Variants in C2CD3 observed in about 807,000 individuals in gnomAD.
The protein encoded by C2CD3 is C2 domain-containing protein 3.
C2CD3 carries 148 observed loss-of-function variants against 234.0 expected under a neutral mutation model. The ratio of observed to expected loss-of-function variants is 0.63; its 90% confidence interval spans 0.55 to 0.72. The LOEUF is 0.72. Ranked by LOEUF, C2CD3 falls within the 30% of genes least tolerant of loss-of-function variation. C2CD3 has a pLI of 0.00. For missense variants in C2CD3, 2,577 were observed against 2,811.5 expected (o/e 0.92, Z 1.89); for synonymous variants, 1,000 against 1,035.4 (o/e 0.97, Z 0.66).
Position 74,093,998 on chromosome 11 carries a change from T to C in C2CD3, c.3162A>G (p.Gly1054=). The part of the protein sequence containing the change: ...VLKGPEFLEN[G]ITLKPFRTAT... ...CAGTTCTGAAGGGCTTCAGAGTAAT[T>C]CCTTTGGAAAAGAAAAGCATTTCAG... The change falls in exon 18 of 33, where the codon GGA becomes GGG. Residue 1054 remains glycine (G), a splice_region_variant and synonymous_variant. Transcript: ENST00000334126. 6.2e-7 allele frequency: 1 copy of C among 1,609,726 alleles called. No individual in the cohort carries two copies. The highest frequency in any genetic ancestry group is 8.5e-7 in the Non-Finnish European group (1 of 1,176,896).
chr11:74,120,388 T>C (rs984962131), intron 8 of C2CD3, among the ~76,000 whole-genome samples: 2 of 152,212 alleles, frequency 1.3e-5, no homozygotes, highest in Non-Finnish European at 2.9e-5. Context: ...TTTGGTTTTC[T>C]GTCCTTGTGA....
chr11:74,164,291 C>G, intron 2 of C2CD3: 2 of 948,542 alleles, frequency 2.1e-6, no homozygotes, highest in African/African-American at 1.8e-5. Flanking sequence ...CCATAATTTT[C>G]TCAGTTTCTA....
Position 74,084,983 on chromosome 11 carries a change from G to A in C2CD3, c.3911-13C>T. 1 of 1,517,552 alleles carries A rather than the reference G, an allele frequency of 6.6e-7. No homozygotes were observed. The highest frequency in any genetic ancestry group is 9.1e-7 in the Non-Finnish European group (1 of 1,094,496). The allele number at this position is 1,517,552 out of a possible 1,614,324, so 94.0% of individuals were successfully genotyped here. ...ATTATATCACTTGCTGTTAAATCAAGCAAAAAAGAAAAATTATTTGATGGT... is the reference window on the plus strand; with the variant it reads ...ATTATATCACTTGCTGTTAAATCAAACAAAAAAGAAAAATTATTTGATGGT... On this transcript the variant is annotated splice_polypyrimidine_tract_variant and intron_variant, in intron 21 of 32. Coordinates refer to ENST00000334126, the MANE Select transcript of C2CD3 (RefSeq NM_001286577.2).
chr11:74,117,056 A>ACGTGTG (rs1565313216), intron 9 of C2CD3, among the ~76,000 whole-genome samples: 3 of 71,108 alleles, frequency 4.2e-5, no homozygotes, highest in African/African-American at 6.9e-5. Flanking sequence ...GTGTATATAT[A>ACGTGTG]TATGAATATA....
intron 2 of C2CD3, chr11:74,164,325 C>T (rs1436698115): frequency 2.7e-6 from 2 of 754,234 alleles, no homozygotes; most frequent in African/African-American, 3.9e-5. Context: ...ATGCTCCAAA[C>T]ATTTTCATGG....
chr11:74,142,645 G>A (rs1182837014), intron 3 of C2CD3, among the ~76,000 whole-genome samples: 2 of 151,790 alleles, frequency 1.3e-5, no homozygotes, highest in Non-Finnish European at 2.9e-5. Flanking sequence ...TTTGAGCTTA[G>A]AATCTTAAAT....
At chr11:74,048,128 A>C in intron 28 of C2CD3, 77 bp downstream of exon 28, 2 of 1,461,922 alleles carry the variant, frequency 1.4e-6, no homozygotes, top group Non-Finnish European at 1.9e-6. Flanking sequence ...TAATAAAGGA[A>C]AGAGAGAAAT....
In C2CD3 at chr11:74,057,421, A is replaced by G; in HGVS notation, c.5075T>C (p.Phe1692Ser). The G allele has an allele frequency of 9.3e-6, 15 of 1,614,162 alleles. No individual in the cohort carries two copies. Among genetic ancestry groups the G allele is most frequent in the Non-Finnish European group, 1.3e-5 (15 of 1,180,000 alleles). The change falls in exon 25 of 33, where the codon TTT becomes TCT. Residue 1692 changes from phenylalanine to serine, a missense_variant. Coordinates refer to ENST00000334126, the MANE Select transcript of C2CD3 (RefSeq NM_001286577.2). ...VENTDSPIWN[F>S]QQQSRLSKEL... ...TAACACAAACCTTGACTGCTGTTGA[A>G]AATTCCAGATGGGGGAATCTGTGTT...
intron 32 of C2CD3, among the ~76,000 whole-genome samples, chr11:74,023,400 T>C (rs1011359284): frequency 2.6e-5 from 4 of 152,208 alleles, no homozygotes; most frequent in African/African-American, 9.7e-5. Context: ...AGAGGTGGAA[T>C]TCTCAAATGT....
Position 74,078,378 on chromosome 11 carries a change from AAGG to A in C2CD3, c.4337_4339del (p.Ala1446_Phe1447delinsVal). On this transcript the variant is annotated inframe_deletion, in exon 23 of 33. Transcript: ENST00000334126. ...CTTAGGCTTCTTGAGAGGGGTCCAA[AAGG>A]CTTCATGATCATAGAACTTGTAGCG... 1 of 1,614,162 alleles carries A rather than the reference AAGG, an allele frequency of 6.2e-7. No individual in the cohort carries two copies. Among genetic ancestry groups the A allele is most frequent in the Non-Finnish European group, 8.5e-7 (1 of 1,180,022 alleles).
chr11:74,021,844 G>A (rs949039405), intron 32 of C2CD3, among the ~76,000 whole-genome samples: 5 of 152,284 alleles, frequency 3.3e-5, no homozygotes, highest in Admixed American at 3.3e-4. Context: ...TAGTCGGGGG[G>A]GCTGGGCGCA....
intron 22 of C2CD3, among the ~76,000 whole-genome samples, chr11:74,084,113 A>G (rs997190654): frequency 1.3e-5 from 2 of 152,192 alleles, no homozygotes; most frequent in Admixed American, 6.5e-5. Context: ...CTATGCAGCC[A>G]TAGAAAGGGA....
chr11:74,138,939 T>A lies in C2CD3; in HGVS notation c.736A>T (p.Asn246Tyr). The A allele has an allele frequency of 6.2e-7, 1 of 1,612,204 alleles. No homozygotes were observed. Among genetic ancestry groups the A allele is most frequent in the Non-Finnish European group, 8.5e-7 (1 of 1,178,278 alleles). ...GAAGAATCCTTTATTGTATCAGGGTTCTCTGCAAAGCATACATGGTCTTTT... is the reference window on the plus strand; with the variant it reads ...GAAGAATCCTTTATTGTATCAGGGTACTCTGCAAAGCATACATGGTCTTTT... ...RGKDHVCFAE[N>Y]PDTIKDSSFG... Residue 246 changes from asparagine to tyrosine, a missense_variant, in exon 5 of 33, where the codon AAC becomes TAC. Physicochemically the swap from Asn to Tyr is moderately radical, Grantham distance 143. Coordinates refer to ENST00000334126, the MANE Select transcript of C2CD3 (RefSeq NM_001286577.2).
At chr11:74,089,122 A>C (rs960926049) in intron 20 of C2CD3, among the ~76,000 whole-genome samples, 2 of 152,192 alleles carry the variant, frequency 1.3e-5, no homozygotes, top group Admixed American at 6.5e-5. Context: ...ATAGGAATGC[A>C]TAATTAAAAT....
chr11:74,013,417 T>C lies in C2CD3; in HGVS notation c.7030A>G (p.Ile2344Val), dbSNP rs1310313724. The change falls in exon 33 of 33, where the codon ATA (isoleucine) becomes GTA (valine). Residue 2344 changes from isoleucine (I) to valine (V), a missense_variant. By Grantham distance (29) the Ile-to-Val change is conservative. Coordinates refer to ENST00000334126, the MANE Select transcript of C2CD3 (RefSeq NM_001286577.2). Reference protein sequence around the residue: ...PEEETLRIARIFSSQYSQKD With the variant: ...PEEETLRIARVFSSQYSQKD ...TTCTGGGAGTACTGAGAAGAAAATA[T>C]CCGTGCAATCCTGAGAGTTTCTTCC... 2.3e-6 allele frequency: 3 copies of C among 1,297,908 alleles called. No individual in the cohort carries two copies. The highest frequency in any genetic ancestry group is 1.9e-4 in the Middle Eastern group (1 of 5,276). 80.4% of individuals were successfully genotyped at this position (1,297,908 alleles called of 1,614,324 possible).
chr11:74,117,157 A>C (rs1340344601), intron 9 of C2CD3, among the ~76,000 whole-genome samples: 2 of 9,770 alleles, frequency 2.0e-4, no homozygotes, highest in Non-Finnish European at 1.8e-4. Flanking sequence ...TATATATATG[A>C]ATATATATAT....
At chr11:74,068,814 T>TTTAA (rs1468110957) in intron 24 of C2CD3, among the ~76,000 whole-genome samples, 2 of 152,210 alleles carry the variant, frequency 1.3e-5, no homozygotes, top group Admixed American at 1.3e-4. Context: ...TATTTATTTA[T>TTTAA]TTTTTGAGAC....
intron 26 of C2CD3, among the ~76,000 whole-genome samples, chr11:74,052,368 G>C (rs1159060548): frequency 1.3e-5 from 2 of 152,144 alleles, no homozygotes; most frequent in African/African-American, 4.8e-5. Flanking sequence ...ATTCTGCAAG[G>C]CCAGTACTAT....
rs1213794215 is a variant in C2CD3, at chr11:74,022,386, G to A, written c.6921+5901C>T. On this transcript the variant is annotated intron_variant, in intron 32 of 32. Coordinates refer to ENST00000334126, the MANE Select transcript of C2CD3 (RefSeq NM_001286577.2). ...ATGCAAAGGAAGATGACAAGCTCAA[G>A]TTTTGGACAGAGTGAATTGTTTGTG... 3.3e-5 allele frequency among the ~76,000 whole-genome samples: 5 copies of A among 152,210 alleles called. No individual in the cohort carries two copies. The East Asian group carries it at 9.6e-4, about 29-fold the overall frequency.
Sources: allele counts gnomAD v4.1 joint callset (sites outside exome capture counted in the v4.1 genomes callset), GRCh38; gene constraint gnomAD v4.1.1; transcripts MANE v1.5; gene names NCBI Gene and HGNC (gene_info 2026-07-23, HGNC 2026-07-21).